SLC13A3: variants seen among roughly 807,000 people sequenced by gnomAD.
SLC13A3 encodes Na(+)/dicarboxylate cotransporter 3.
Under a neutral mutation model 59.0 loss-of-function variants are expected in SLC13A3, and 40 were observed. The observed-to-expected ratio is 0.68, with a 90% CI of 0.53 to 0.88. The LOEUF is 0.88. Ranked by LOEUF, SLC13A3 falls within the 40% of genes least tolerant of loss-of-function variation. The pLI is 0.00. For synonymous variants in SLC13A3, 317 were observed against 330.3 expected (o/e 0.96, Z 0.44); for missense variants, 699 against 783.2 (o/e 0.89, Z 1.28).
intron 1 of SLC13A3, among the ~76,000 whole-genome samples, chr20:46,650,829 C>T (rs1362235801): frequency 6.6e-6 from 1 of 152,050 alleles, no homozygotes; most frequent in Non-Finnish European, 1.5e-5. Flanking sequence ...ATATGGGAGA[C>T]CAAGGTGGGA....
chr20:46,617,866 T>C (rs1462245662), intron 1 of SLC13A3, among the ~76,000 whole-genome samples: 3 of 152,106 alleles, frequency 2.0e-5, no homozygotes, highest in Non-Finnish European at 2.9e-5. Context: ...AAATATACAA[T>C]TACTTTCTAT....
rs187951946 is a variant in SLC13A3 at position 46,648,980 on chromosome 20, G to A, written c.111+2331C>T. Among the ~76,000 whole-genome samples, 574 of 150,994 alleles carry A rather than the reference G, an allele frequency of 3.8e-3. 3 individuals are homozygous for A. The highest frequency in any genetic ancestry group is 0.013 in the African/African-American group (526 of 40,920). On this transcript the variant is annotated intron_variant, in intron 1 of 12. Transcript: ENST00000279027. The stretch of plus-strand genomic sequence containing the variant: ...ACACACACACACATAAAGGAGTACA[G>A]ACTCTGCATTCTGGCTTTGCAGCAG...
chr20:46,646,788 G>A (rs538743398), intron 1 of SLC13A3, among the ~76,000 whole-genome samples: 8 of 152,208 alleles, frequency 5.3e-5, no homozygotes, highest in Non-Finnish European at 7.4e-5. Flanking sequence ...ACTGTGGCCA[G>A]AAAATAACTG....
chr20:46,648,010 A>G (rs191315584), intron 1 of SLC13A3, among the ~76,000 whole-genome samples: 36 of 152,294 alleles, frequency 2.4e-4, no homozygotes, highest in African/African-American at 8.7e-4. Context: ...AGAAGTGACA[A>G]TCTGATGTTG....
intron 3 of SLC13A3, among the ~76,000 whole-genome samples, chr20:46,606,071 G>A (rs1412903590): frequency 6.6e-6 from 1 of 152,188 alleles, no homozygotes; most frequent in Non-Finnish European, 1.5e-5. Flanking sequence ...TGTACCAACA[G>A]TGTCTTAGGT....
At chr20:46,647,298 T>C (rs2062904842) in intron 1 of SLC13A3, among the ~76,000 whole-genome samples, 1 of 152,082 alleles carries the variant, frequency 6.6e-6, no homozygotes. Context: ...TGTTAAGAAC[T>C]CCTCTTGGAC....
chr20:46,588,305 G>T, intron 7 of SLC13A3, 142 bp from the exon 8 acceptor site: 2 of 541,186 alleles, frequency 3.7e-6, no homozygotes, highest in Non-Finnish European at 6.6e-6. Context: ...ACTCCCCAGG[G>T]AGTGCCCAGA....
intron 1 of SLC13A3, among the ~76,000 whole-genome samples, chr20:46,628,271 G>A (rs763874970): frequency 2.6e-5 from 4 of 152,164 alleles, no homozygotes; most frequent in Non-Finnish European, 5.9e-5. Flanking sequence ...GTCAAGCCAG[G>A]GTGAGCAGTT....
At chr20:46,631,151 C>A (rs979297508) in intron 1 of SLC13A3, among the ~76,000 whole-genome samples, 2 of 152,156 alleles carry the variant, frequency 1.3e-5, no homozygotes, top group Non-Finnish European at 2.9e-5. Context: ...GTGATTCTGT[C>A]CCCCAGGGGA....
Position 46,578,648 on chromosome 20 carries a change from C to T in SLC13A3, c.1220-2963G>A, listed in dbSNP as rs574202264. Among the ~76,000 whole-genome samples the T allele has an allele frequency of 5.3e-5, 8 of 152,110 alleles. No homozygotes were observed. The East Asian group carries it at 1.4e-3, about 26-fold the overall frequency. ...CTGAGATTGTGTGGCTGCACTCCAG[C>T]CTGGGCAACAGAGCAAGACCCTGTC... On this transcript the variant is annotated intron_variant, in intron 9 of 12. Transcript: ENST00000279027.
At chr20:46,656,274 TATATATTATA>T (rs2062990138), upstream of SLC13A3, among the ~76,000 whole-genome samples, 2 of 79,472 alleles carry the variant, frequency 2.5e-5, no homozygotes, top group Non-Finnish European at 7.6e-5. Flanking sequence ...GACTGTACAG[TATATATTATA>T]CTGTATATAA....
intron 9 of SLC13A3, among the ~76,000 whole-genome samples, chr20:46,576,082 A>G (rs1024013360): frequency 6.6e-6 from 1 of 152,008 alleles, no homozygotes; most frequent in Non-Finnish European, 1.5e-5. Flanking sequence ...AACAAAGGGT[A>G]TTTTTGAGCC....
chr20:46,606,566 T>C (rs1376562469), intron 3 of SLC13A3, among the ~76,000 whole-genome samples: 1 of 152,144 alleles, frequency 6.6e-6, no homozygotes, highest in Non-Finnish European at 1.5e-5. Context: ...AGGCCAGATA[T>C]GGTGGCTCAC....
At chr20:46,674,604 C>CGCGCGCGCGCGCGCGT (rs370861850), upstream of SLC13A3, among the ~76,000 whole-genome samples, 2 of 127,882 alleles carry the variant, frequency 1.6e-5, no homozygotes, top group African/African-American at 6.3e-5. Context: ...CGCGCGCGCG[C>CGCGCGCGCGCGCGCGT]GTGTGTGTGT....
intron 8 of SLC13A3, 119 bp downstream of exon 8, chr20:46,587,940 C>G: frequency 1.8e-6 from 1 of 541,574 alleles, no homozygotes; most frequent in South Asian, 2.7e-5. Context: ...TCATATGGGA[C>G]AAAAGATGGA....
At position 46,636,952 on chromosome 20, in the gene SLC13A3, C is replaced by G. The variant is rs574556517; in HGVS notation, c.111+14359G>C. 3.3e-5 allele frequency among the ~76,000 whole-genome samples: 5 copies of G among 152,210 alleles called. No individual in the cohort carries two copies. The South Asian group carries it at 1.0e-3, about 32-fold the overall frequency. On this transcript the variant is annotated intron_variant, in intron 1 of 12. Coordinates refer to ENST00000279027, the MANE Select transcript of SLC13A3 (RefSeq NM_022829.6). ...AGTAGCTGGGATTATAGGCGCCCAC[C>G]ACCACGCCTGGCTAATTTTTGTATT...
intron 1 of SLC13A3, among the ~76,000 whole-genome samples, chr20:46,640,491 A>T (rs2062837068): frequency 6.6e-6 from 1 of 152,100 alleles, no homozygotes; most frequent in South Asian, 2.1e-4. Flanking sequence ...CTTCGTGTGA[A>T]TTTCAAGGAC....
chr20:46,654,792 A>G (rs1330609975), upstream of SLC13A3, among the ~76,000 whole-genome samples: 2 of 152,106 alleles, frequency 1.3e-5, no homozygotes, highest in African/African-American at 4.8e-5. Flanking sequence ...AGGCAACACA[A>G]ATTGTTGGGA....
intron 1 of SLC13A3, among the ~76,000 whole-genome samples, chr20:46,650,269 G>T (rs1380190307): frequency 6.6e-6 from 1 of 152,078 alleles, no homozygotes; most frequent in Non-Finnish European, 1.5e-5. Flanking sequence ...AACAGCTAGG[G>T]TTCTGGATTC....
Sources: allele counts gnomAD v4.1 joint callset (sites outside exome capture counted in the v4.1 genomes callset), GRCh38; gene constraint gnomAD v4.1.1; transcripts MANE v1.5; gene names NCBI Gene and HGNC (gene_info 2026-07-23, HGNC 2026-07-21).